The following RGL1 variants were observed in gnomAD, a reference collection of about 807,000 sequenced individuals.
RGL1 encodes ral guanine nucleotide dissociation stimulator-like 1.
Under a neutral mutation model 95.2 loss-of-function variants are expected in RGL1, and 24 were observed. That is an observed-to-expected ratio of 0.25 (90% CI 0.18 to 0.35). RGL1 has a LOEUF of 0.35. Among genes scored for constraint, RGL1 ranks in the 10% least tolerant of loss-of-function variants. The pLI, the probability that RGL1 is intolerant of heterozygous loss-of-function variation, is 1.00. For missense variants in RGL1, 715 were observed against 936.3 expected (o/e 0.76, Z 3.08); for synonymous variants, 329 against 344.9 (o/e 0.95, Z 0.51).
intron 1 of RGL1, among the ~76,000 whole-genome samples, chr1:183,730,953 G>A (rs764916509): frequency 1.3e-5 from 2 of 152,064 alleles, no homozygotes; most frequent in African/African-American, 4.8e-5. Flanking sequence ...TTTTTGTCCC[G>A]TCTGAAGTGG....
At chr1:183,676,812 A>T (rs1396122561) in intron 1 of RGL1, among the ~76,000 whole-genome samples, 1 of 149,270 alleles carries the variant, frequency 6.7e-6, no homozygotes, top group Admixed American at 6.6e-5. Context: ...ACCAAGGGCA[A>T]GTTACTTCTC....
At chr1:183,772,872 G>A (rs935958648) in intron 2 of RGL1, among the ~76,000 whole-genome samples, 7 of 151,164 alleles carry the variant, frequency 4.6e-5, no homozygotes, top group East Asian at 1.9e-4. Flanking sequence ...AGCCGGGCGC[G>A]GTGGCGGGCG....
chr1:183,837,500 G>A (rs2102506539), intron 2 of RGL1, among the ~76,000 whole-genome samples: 1 of 152,318 alleles, frequency 6.6e-6, no homozygotes, highest in East Asian at 1.9e-4. Context: ...GTGACAATTT[G>A]TGATCTTATT....
At chr1:183,727,816 TA>T (rs2102221709) in intron 1 of RGL1, among the ~76,000 whole-genome samples, 1 of 152,320 alleles carries the variant, frequency 6.6e-6, no homozygotes, top group South Asian at 2.1e-4. Flanking sequence ...ATGGAAATTT[TA>T]AAAAGGACAA....
intron 2 of RGL1, among the ~76,000 whole-genome samples, chr1:183,786,391 C>T (rs906615164): frequency 6.6e-5 from 10 of 152,158 alleles, no homozygotes; most frequent in Admixed American, 5.2e-4. Context: ...GACTAAAATC[C>T]TGTCTCTAAA....
chr1:183,774,855 T>G (rs1469272679), intron 2 of RGL1, among the ~76,000 whole-genome samples: 1 of 152,144 alleles, frequency 6.6e-6, no homozygotes, highest in East Asian at 1.9e-4. Flanking sequence ...ATTACAGATG[T>G]GAGCCACCAC....
chr1:183,882,490 G>A (rs539937223), intron 5 of RGL1, among the ~76,000 whole-genome samples: 19 of 152,308 alleles, frequency 1.2e-4, no homozygotes, highest in African/African-American at 4.3e-4. Context: ...AGAGTTGTAT[G>A]GAGGAAGAAT....
At chr1:183,861,589 T>G (rs868439747) in intron 3 of RGL1, among the ~76,000 whole-genome samples, 42 of 152,368 alleles carry the variant, frequency 2.8e-4, no homozygotes, top group African/African-American at 9.6e-4. Context: ...GAGACATTTG[T>G]AAATTTTTCT....
At chr1:183,811,772 C>G (rs1170647537) in intron 2 of RGL1, among the ~76,000 whole-genome samples, 1 of 152,144 alleles carries the variant, frequency 6.6e-6, no homozygotes, top group Admixed American at 6.5e-5. Context: ...CCAGGGAATA[C>G]TCAGCTGAGT....
chr1:183,796,031 T>A (rs1317034905), intron 2 of RGL1, among the ~76,000 whole-genome samples: 3 of 152,126 alleles, frequency 2.0e-5, no homozygotes, highest in African/African-American at 4.8e-5. Flanking sequence ...TTATCTAGTA[T>A]CTAGAGTTTA....
intron 2 of RGL1, among the ~76,000 whole-genome samples, chr1:183,807,571 G>A (rs930159287): frequency 6.6e-6 from 1 of 152,212 alleles, no homozygotes; most frequent in African/African-American, 2.4e-5. Flanking sequence ...GGGAGTTTAA[G>A]GCAGGATGGT....
In RGL1 at chr1:183,926,350, T is replaced by G; in HGVS notation, c.*58T>G. On this transcript the variant is annotated 3_prime_UTR_variant, in exon 18 of 18. Transcript: ENST00000360851. The stretch of plus-strand genomic sequence containing the variant: ...GGCAGAGTGGGGCTGAGAAACAGGC[T>G]GCGGTGATTGCAATTACCATCCGGT... 7.0e-7 allele frequency: 1 copy of G among 1,436,616 alleles called. No homozygotes were observed. The highest frequency in any genetic ancestry group is 1.9e-4 in the Middle Eastern group (1 of 5,178). The allele number at this position is 1,436,616 out of a possible 1,614,324, so 89.0% of individuals were successfully genotyped here. A position where few individuals can be genotyped will look rare whatever the true frequency, so the allele number is the denominator to read the frequency against.
intron 2 of RGL1, among the ~76,000 whole-genome samples, chr1:183,821,936 G>C (rs1232095345): frequency 1.3e-5 from 2 of 152,152 alleles, no homozygotes; most frequent in Non-Finnish European, 2.9e-5. Flanking sequence ...ATCATATCCT[G>C]TTGAAATCAG....
At chr1:183,831,356 G>C (rs72733435) in intron 2 of RGL1, among the ~76,000 whole-genome samples, 17,621 of 152,146 alleles carry the variant, frequency 0.12, 1,069 homozygotes, top group Admixed American at 0.13. Context: ...TGTGGTTGGG[G>C]CCTAGAGAGG....
intron 7 of RGL1, among the ~76,000 whole-genome samples, chr1:183,887,426 C>T (rs1035029176): frequency 3.3e-5 from 5 of 151,942 alleles, no homozygotes; most frequent in Admixed American, 6.6e-5. Flanking sequence ...AAATGATTCT[C>T]GAAGTGATTT....
At chr1:183,822,746 G>A (rs1258352546) in intron 2 of RGL1, among the ~76,000 whole-genome samples, 1 of 152,130 alleles carries the variant, frequency 6.6e-6, no homozygotes, top group Non-Finnish European at 1.5e-5. Flanking sequence ...TGTGCCAAAT[G>A]TTGGCCTTTG....
At position 183,805,187 on chromosome 1, in the gene RGL1, T is replaced by TCGGGAC. The variant is rs745756431; in HGVS notation, c.-100_-95dup. On this transcript the variant is annotated 5_prime_UTR_variant, in exon 1 of 18. Transcript: ENST00000360851. The stretch of plus-strand genomic sequence containing the variant: ...GCGCGTGTCTGTGCGCTGCGGTCGC[T>TCGGGAC]CGGGACCGGGACCGGGGCGAGGCGC... 2.1e-3 allele frequency: 2,956 copies of TCGGGAC among 1,440,356 alleles called. 8 individuals carry two copies. Among genetic ancestry groups the TCGGGAC allele is most frequent in the Non-Finnish European group, 2.6e-3 (2,768 of 1,079,668 alleles). The allele number at this position is 1,440,356 out of a possible 1,614,324, so 89.2% of individuals were successfully genotyped here. A position where few individuals can be genotyped will look rare whatever the true frequency, so the allele number is the denominator to read the frequency against.
intron 2 of RGL1, among the ~76,000 whole-genome samples, chr1:183,807,335 A>C (rs987466457): frequency 6.6e-6 from 1 of 152,228 alleles, no homozygotes; most frequent in Non-Finnish European, 1.5e-5. Context: ...GGTTGGCTGA[A>C]TAGAGGGGGT....
intron 1 of RGL1, among the ~76,000 whole-genome samples, chr1:183,651,012 T>C (rs1414200504): frequency 2.0e-5 from 3 of 152,234 alleles, no homozygotes; most frequent in Non-Finnish European, 4.4e-5. Flanking sequence ...GACATTTTTA[T>C]GCATCAAGAA....
Sources: allele counts gnomAD v4.1 joint callset (sites outside exome capture counted in the v4.1 genomes callset), GRCh38; gene constraint gnomAD v4.1.1; transcripts MANE v1.5; gene names NCBI Gene and HGNC (gene_info 2026-07-23, HGNC 2026-07-21).